ZNF700: variants seen among roughly 807,000 people sequenced by gnomAD.
ZNF700 encodes zinc finger protein 700.
ZNF700 carries 38 observed loss-of-function variants against 65.3 expected under a neutral mutation model. That is an observed-to-expected ratio of 0.58 (90% CI 0.45 to 0.76). ZNF700 has a LOEUF of 0.76. Ranked by LOEUF, ZNF700 falls within the 30% of genes least tolerant of loss-of-function variation. ZNF700 has a pLI of 0.00. For synonymous variants in ZNF700, 285 were observed against 290.4 expected, an observed-to-expected ratio of 0.98 and a Z score of 0.19; for missense variants, 857 against 888.4, an observed-to-expected ratio of 0.96 and a Z score of 0.45.
At chr19:11,926,725 G>C (rs1972634634) in intron 1 of ZNF700, 1 of 154,190 alleles carries the variant, frequency 6.5e-6, no homozygotes, top group South Asian at 2.0e-4. Flanking sequence ...CCAGTTTAGG[G>C]GTAAGCTTTT....
intron 1 of ZNF700, among the ~76,000 whole-genome samples, chr19:11,927,698 C>T (rs1972652135): frequency 6.6e-6 from 1 of 152,146 alleles, no homozygotes; most frequent in African/African-American, 2.4e-5. Flanking sequence ...TAAAACATAA[C>T]TATAATTATC....
intron 1 of ZNF700, among the ~76,000 whole-genome samples, chr19:11,942,014 C>G (rs1028400352): frequency 6.6e-6 from 1 of 152,118 alleles, no homozygotes; most frequent in East Asian, 1.9e-4. Context: ...CTCGTTTGGC[C>G]TCTTGTGCAC....
In ZNF700 at chr19:11,949,830, T is replaced by C. The variant is rs761881857; in HGVS notation, c.1806T>C (p.Ser602=). 1.3e-6 allele frequency: 2 copies of C among 1,592,094 alleles called. No homozygotes were observed. The highest frequency in any genetic ancestry group is 3.0e-5 in the African/African-American group (2 of 67,678). ...GTAAGCAATGTGGGAAAGCCTTCAG[T>C]TGTGCCTCAAACCTTCGAAAGCATG... The part of the protein sequence containing the change: ...YECKQCGKAF[S]CASNLRKHGR... The change falls in exon 4 of 4, where the codon AGT becomes AGC. Residue 602 remains serine, a synonymous_variant. Transcript: ENST00000254321.
chr19:11,935,555 GT>G (rs1021043684), intron 1 of ZNF700, among the ~76,000 whole-genome samples: 1 of 151,480 alleles, frequency 6.6e-6, no homozygotes, highest in African/African-American at 2.4e-5. Flanking sequence ...TTGATTGGTT[GT>G]TTTTTTTCTT....
chr19:11,925,694 A>G (rs777576127), intron 1 of ZNF700, among the ~76,000 whole-genome samples: 39 of 152,304 alleles, frequency 2.6e-4, no homozygotes, highest in Middle Eastern at 3.4e-3. Context: ...TACGTTAACA[A>G]TTAAAGAGTT....
At chr19:11,940,920 A>T (rs1217698169) in intron 1 of ZNF700, among the ~76,000 whole-genome samples, 3 of 151,684 alleles carry the variant, frequency 2.0e-5, no homozygotes, top group African/African-American at 7.3e-5. Flanking sequence ...CGATTGGTGC[A>T]TTCACAAACC....
intron 1 of ZNF700, among the ~76,000 whole-genome samples, chr19:11,942,949 C>G (rs966874936): frequency 3.3e-5 from 5 of 152,176 alleles, no homozygotes; most frequent in Non-Finnish European, 7.3e-5. Context: ...GGAGTTCTCA[C>G]TTTCATCCTT....
chr19:11,947,526 G>A lies in ZNF700; in HGVS notation c.203G>A (p.Ser68Asn), dbSNP rs77752522. 44,275 of 1,611,672 alleles carry A rather than the reference G, an allele frequency of 0.027. 1,905 individuals carry two copies. The highest frequency in any genetic ancestry group is 0.2 in the African/African-American group (15,001 of 74,744). Residue 68 changes from serine (S) to asparagine (N), a missense_variant, in exon 3 of 4, where the codon AGT becomes AAT. Physicochemically the swap from Ser to Asn is conservative, Grantham distance 46. Coordinates refer to ENST00000254321, the MANE Select transcript of ZNF700 (RefSeq NM_144566.3). ...GTCTGTATTTTAGGAAAAAAATGGA[G>A]TGACCAGAACATTGAATATGAGTAC... is the stretch of plus-strand genomic sequence containing the variant. ...RNLTSIGKKW[S>N]DQNIEYEYQN...
intron 1 of ZNF700, among the ~76,000 whole-genome samples, chr19:11,946,522 G>T (rs1292573536): frequency 3.3e-5 from 5 of 152,170 alleles, no homozygotes; most frequent in Admixed American, 6.5e-5. Flanking sequence ...CAACCACTGT[G>T]GGGGGTCTAA....
rs1352013950 is a variant in ZNF700 at position 11,950,333 on chromosome 19, C to T, written c.*80C>T. 1.6e-5 allele frequency: 23 copies of T among 1,397,624 alleles called. No homozygotes were observed. The highest frequency in any genetic ancestry group is 4.3e-5 in the Admixed American group (2 of 46,226). 86.6% of individuals were successfully genotyped at this position (1,397,624 alleles called of 1,614,324 possible). ...TGCAAGCAATGTGGCAAAACTTTCA[C>T]ATTTTCCAGTTCTTTTCGATATCAT... On this transcript the variant is annotated 3_prime_UTR_variant, in exon 4 of 4. Transcript: ENST00000254321.
In ZNF700 at chr19:11,948,756, C is replaced by T. The variant is rs755965210; in HGVS notation, c.732C>T (p.His244=). ...TATATCTTATCCATGAAAGAACTCA[C>T]ACTGGAGAGAAACCATATGAATGTA... ...FSLYLIHERT[H]TGEKPYECKQ... Residue 244 remains histidine, a synonymous_variant, in exon 4 of 4, where the codon CAC becomes CAT. Coordinates refer to ENST00000254321, the MANE Select transcript of ZNF700 (RefSeq NM_144566.3). The T allele has an allele frequency of 4.3e-5, 69 of 1,611,830 alleles. No homozygotes were observed. The highest frequency in any genetic ancestry group is 5.3e-5 in the Non-Finnish European group (63 of 1,179,610).
chr19:11,948,600 A>G lies in ZNF700; in HGVS notation c.576A>G (p.Lys192=). The part of the protein sequence containing the change: ...RTQERDHTGE[K]PYACKVCGKT... Reference sequence around the variant, plus strand: ...AAGAAAGGGATCACACTGGAGAGAAACCCTATGCTTGTAAAGTCTGTGGAA... The same window carrying G: ...AAGAAAGGGATCACACTGGAGAGAAGCCCTATGCTTGTAAAGTCTGTGGAA... Residue 192 remains lysine (K), a synonymous_variant, in exon 4 of 4, where the codon AAA becomes AAG. Transcript: ENST00000254321. The G allele has an allele frequency of 6.2e-7, 1 of 1,609,140 alleles. No individual in the cohort carries two copies. The highest frequency in any genetic ancestry group is 2.2e-5 in the East Asian group (1 of 44,858).
intron 1 of ZNF700, among the ~76,000 whole-genome samples, chr19:11,943,601 A>G (rs1043688227): frequency 3.3e-5 from 5 of 152,186 alleles, no homozygotes; most frequent in African/African-American, 1.2e-4. Context: ...TATGGTACAC[A>G]TCAGGTCGGG....
chr19:11,943,098 G>A (rs1195205597), intron 1 of ZNF700, among the ~76,000 whole-genome samples: 3 of 152,130 alleles, frequency 2.0e-5, no homozygotes, highest in Non-Finnish European at 2.9e-5. Flanking sequence ...GGAGTAACAA[G>A]CAGGTTTCTA....
In ZNF700 at chr19:11,946,308, G is replaced by A. The variant is rs969855121; in HGVS notation, c.64-873G>A. ...TGGTCTAGGGGTGTATCTGTCCAGAGGAGGCACAGGTGCTGTGGGCTCAGG... is the reference window on the plus strand; with the variant it reads ...TGGTCTAGGGGTGTATCTGTCCAGAAGAGGCACAGGTGCTGTGGGCTCAGG... On this transcript the variant is annotated intron_variant, in intron 1 of 3. Coordinates refer to ENST00000254321, the MANE Select transcript of ZNF700 (RefSeq NM_144566.3). 2.6e-5 allele frequency among the ~76,000 whole-genome samples: 4 copies of A among 152,146 alleles called. No individual in the cohort carries two copies. In the South Asian group the frequency reaches 8.3e-4, roughly 32 times the overall value.
At position 11,934,189 on chromosome 19, in the gene ZNF700, A is replaced by T. The variant is rs558441872; in HGVS notation, c.63+8916A>T. ...TGTGAGACCTCATCTATTTTTTTTT[A>T]AAAAAAGACTCACCTTGTTTGAGTC... On this transcript the variant is annotated intron_variant, in intron 1 of 3. Transcript: ENST00000254321. 1.5e-4 allele frequency among the ~76,000 whole-genome samples: 22 copies of T among 145,724 alleles called. 2 individuals are homozygous for T. The South Asian group carries it at 2.1e-3, about 14-fold the overall frequency.
Position 11,934,519 on chromosome 19 carries a change from CTTTG to C in ZNF700, c.63+9267_63+9270del, listed in dbSNP as rs1008526604. Among the ~76,000 whole-genome samples, 92 of 146,510 alleles carry C rather than the reference CTTTG, an allele frequency of 6.3e-4. 6 individuals are homozygous for C. Among genetic ancestry groups the C allele is most frequent in the Middle Eastern group, 3.4e-3 (1 of 294 alleles). On this transcript the variant is annotated intron_variant, in intron 1 of 3. Coordinates refer to ENST00000254321, the MANE Select transcript of ZNF700 (RefSeq NM_144566.3). ...ATTGTTTTCTTTTTTTTCTTTTTTT[CTTTG>C]TTTGTTTGTTTGTTTGTTTGGAGAT...
At position 11,949,898 on chromosome 19, in the gene ZNF700, G is replaced by T; in HGVS notation, c.1874G>T (p.Cys625Phe). 2 of 1,614,158 alleles carry T rather than the reference G, an allele frequency of 1.2e-6. No homozygotes were observed. The highest frequency in any genetic ancestry group is 1.7e-6 in the Non-Finnish European group (2 of 1,180,022). Residue 625 changes from cysteine to phenylalanine, a missense_variant, in exon 4 of 4, where the codon TGT (cysteine) becomes TTT (phenylalanine). Physicochemically the swap from Cys to Phe is radical, Grantham distance 205. Coordinates refer to ENST00000254321, the MANE Select transcript of ZNF700 (RefSeq NM_144566.3). Reference sequence around the variant, plus strand: ...GAGAAACCCTATGAGTGTAAGCAATGTGGGAAAGCCTTCAGATCTGCCTCA... The same window carrying T: ...GAGAAACCCTATGAGTGTAAGCAATTTGGGAAAGCCTTCAGATCTGCCTCA... ...TGEKPYECKQCGKAFRSASNL... is the reference protein window; with the variant it reads ...TGEKPYECKQFGKAFRSASNL...
At chr19:11,940,336 G>A (rs765649444) in intron 1 of ZNF700, among the ~76,000 whole-genome samples, 2 of 152,202 alleles carry the variant, frequency 1.3e-5, no homozygotes, top group Non-Finnish European at 2.9e-5. Flanking sequence ...CCCTTGCGGT[G>A]AGTGTTACAG....
Sources: allele counts gnomAD v4.1 joint callset (sites outside exome capture counted in the v4.1 genomes callset), GRCh38; gene constraint gnomAD v4.1.1; transcripts MANE v1.5; gene names NCBI Gene and HGNC (gene_info 2026-07-23, HGNC 2026-07-21).